TOPORS: variants seen among roughly 807,000 people sequenced by gnomAD.
TOPORS encodes the protein E3 ubiquitin-protein ligase Topors.
Under a neutral mutation model 81.4 loss-of-function variants are expected in TOPORS, and 25 were observed. That is an observed-to-expected ratio of 0.31 (90% CI 0.22 to 0.43). The LOEUF (loss-of-function observed/expected upper bound fraction) is 0.43. Ranked by LOEUF, TOPORS falls within the 20% of genes least tolerant of loss-of-function variation. The probability of loss-of-function intolerance (pLI) is 1.00; values close to 1 mark genes in which losing one functional copy is unlikely to be tolerated. For missense variants in TOPORS, 1,101 were observed against 1,267.0 expected (o/e 0.87, Z 1.99); for synonymous variants, 473 against 456.6 (o/e 1.04, Z -0.46).
chr9:32,550,761 G>C lies in TOPORS; in HGVS notation c.198+13C>G, dbSNP rs1449521054. On this transcript the variant is annotated intron_variant, in intron 2 of 2. Transcript: ENST00000360538. ...TCCGACCCCCGCGTCCCATTGTTCC[G>C]AATCTCACTCACCTCGGAGGATGCC... 3 of 1,612,596 alleles carry C rather than the reference G, an allele frequency of 1.9e-6. No homozygotes were observed. The highest frequency in any genetic ancestry group is 1.7e-6 in the Non-Finnish European group (2 of 1,179,612).
intron 2 of TOPORS, 69 bp from the exon 3 acceptor site, chr9:32,544,395 T>G: frequency 6.6e-7 from 1 of 1,511,758 alleles, no homozygotes; most frequent in East Asian, 2.3e-5. Context: ...TCAACAAAAA[T>G]GCAAATAAAG....
At chr9:32,549,264 G>A (rs1053363077) in intron 2 of TOPORS, among the ~76,000 whole-genome samples, 1 of 152,030 alleles carries the variant, frequency 6.6e-6, no homozygotes, top group Non-Finnish European at 1.5e-5. Flanking sequence ...CCGAGACTGC[G>A]CCACTGCACT....
At chr9:32,551,168 G>A (rs1821247032) in intron 1 of TOPORS, 200 bp from the exon 2 acceptor site, 2 of 659,116 alleles carry the variant, frequency 3.0e-6, no homozygotes, top group East Asian at 2.7e-5. Flanking sequence ...CCCCGGAGGA[G>A]GGCAGCGCGA....
At position 32,541,767 on chromosome 9, in the gene TOPORS, C is replaced by T; in HGVS notation, c.2758G>A (p.Val920Ile). 1 of 1,614,190 alleles carries T rather than the reference C, an allele frequency of 6.2e-7. No homozygotes were observed. The highest frequency in any genetic ancestry group is 8.5e-7 in the Non-Finnish European group (1 of 1,180,024). The change falls in exon 3 of 3, where the codon GTA (valine) becomes ATA (isoleucine). Residue 920 changes from valine (V) to isoleucine (I), a missense_variant. Val to Ile is a conservative substitution (Grantham distance 29). Coordinates refer to ENST00000360538, the MANE Select transcript of TOPORS (RefSeq NM_005802.5). ...TTGTCACATTCTGTATCCTCCTTTACTTCAGAATCCTTATCACTGTCACTG... is the reference window on the plus strand; with the variant it reads ...TTGTCACATTCTGTATCCTCCTTTATTTCAGAATCCTTATCACTGTCACTG... ...IDSDSDKDSE[V>I]KEDTECDNSG...
chr9:32,551,153 C>G (rs890137266), intron 1 of TOPORS, 185 bp from the exon 2 acceptor site: 1 of 718,838 alleles, frequency 1.4e-6, no homozygotes, highest in Non-Finnish European at 2.4e-6. Flanking sequence ...CCCCGCCGCT[C>G]CAGACCCCGG....
rs770237563 is a variant in TOPORS at position 32,541,358 on chromosome 9, A to AT, written c.*28dup. ...CTTCCTTTTTCCTTTTTATAACATC[A>AT]TAATTCTCAATGAAATGCTTTGGCA... is the stretch of plus-strand genomic sequence containing the variant. On this transcript the variant is annotated 3_prime_UTR_variant, in exon 3 of 3. Coordinates refer to ENST00000360538, the MANE Select transcript of TOPORS (RefSeq NM_005802.5). 2.5e-6 allele frequency: 4 copies of AT among 1,611,282 alleles called. No homozygotes were observed. Among genetic ancestry groups the AT allele is most frequent in the Non-Finnish European group, 3.4e-6 (4 of 1,177,800 alleles).
rs770678902 is a variant in TOPORS, at chr9:32,543,152, A to G, written c.1373T>C (p.Ile458Thr). Residue 458 changes from isoleucine to threonine, a missense_variant, in exon 3 of 3, where the codon ATA (isoleucine) becomes ACA (threonine). Coordinates refer to ENST00000360538, the MANE Select transcript of TOPORS (RefSeq NM_005802.5). The surrounding 1 kb of genome is among the most constrained non-coding windows in gnomAD (Gnocchi z 5.6). ...ELVTGGATSQIQGVQTNDDLN... is the reference protein window; with the variant it reads ...ELVTGGATSQTQGVQTNDDLN... ...GTCGTCATTGGTTTGTACTCCTTGT[A>G]TCTGAGACGTGGCTCCTCCTGTGAC... 8.7e-6 allele frequency: 14 copies of G among 1,613,966 alleles called. No individual in the cohort carries two copies. In the South Asian group the frequency reaches 1.1e-4, roughly 13 times the overall value.
In TOPORS at chr9:32,544,279, A is replaced by T. The variant is rs753240432; in HGVS notation, c.246T>A (p.Pro82=). 1.2e-6 allele frequency: 2 copies of T among 1,604,852 alleles called. No homozygotes were observed. Among genetic ancestry groups the T allele is most frequent in the Non-Finnish European group, 1.7e-6 (2 of 1,179,970 alleles). Residue 82 remains proline (P), a synonymous_variant, in exon 3 of 3, where the codon CCT becomes CCA. Transcript: ENST00000360538. The part of the protein sequence containing the change: ...AKEFKMDNFS[P]KAGTSKLQQT... ...GTTGCAATTTGCTAGTGCCAGCTTT[A>T]GGTGAAAAGTTGTCCATTTTAAATT...
chr9:32,543,915 T>C lies in TOPORS; in HGVS notation c.610A>G (p.Thr204Ala), dbSNP rs770838040. 4 of 1,614,170 alleles carry C rather than the reference T, an allele frequency of 2.5e-6. No individual in the cohort carries two copies. The highest frequency in any genetic ancestry group is 3.4e-6 in the Non-Finnish European group (4 of 1,180,014). ...SPSGPVNRRT[T>A]TPPDSGVLFE... ...AGTACTCCACTATCCGGTGGAGTTGTTGTTCTTCTGTTCACAGGACCACTA... is the reference window on the plus strand; with the variant it reads ...AGTACTCCACTATCCGGTGGAGTTGCTGTTCTTCTGTTCACAGGACCACTA... Residue 204 changes from threonine (T) to alanine (A), a missense_variant, in exon 3 of 3, where the codon ACA (threonine) becomes GCA (alanine). Around this residue, in one of 9 missense-constraint regions of TOPORS, gnomAD observed 120 missense variants for 115.4 expected, o/e 1.04. Coordinates refer to ENST00000360538, the MANE Select transcript of TOPORS (RefSeq NM_005802.5). This position sits in a 1 kb window ranked among gnomAD's most constrained non-coding sequence, Gnocchi z 5.6.
At chr9:32,550,096 C>G (rs1821206439) in intron 2 of TOPORS, among the ~76,000 whole-genome samples, 1 of 152,168 alleles carries the variant, frequency 6.6e-6, no homozygotes, top group South Asian at 2.1e-4. Context: ...GCAGCTGTTT[C>G]TTAATTTATC....
chr9:32,542,227 C>T lies in TOPORS; in HGVS notation c.2298G>A (p.Arg766=), dbSNP rs200400473. ...HSERKYYYYE[R]HRSRSLSSNR... ...TACTAGACAGGCTCCTTGATCTGTG[C>T]CTTTCATAGTAGTAATACTTCCTCT... The change falls in exon 3 of 3, where the codon AGG becomes AGA. Residue 766 remains arginine, a synonymous_variant. Coordinates refer to ENST00000360538, the MANE Select transcript of TOPORS (RefSeq NM_005802.5). The T allele has an allele frequency of 6.2e-7, 1 of 1,614,144 alleles. No homozygotes were observed. The highest frequency in any genetic ancestry group is 1.3e-5 in the African/African-American group (1 of 75,032).
rs1409585592 is a variant in TOPORS, at chr9:32,541,813, G to T, written c.2712C>A (p.Ser904=). Residue 904 remains serine, a synonymous_variant, in exon 3 of 3, where the codon TCC becomes TCA. Transcript: ENST00000360538. ...KKHHGDNASR[S]PVVITIDSDS... ...CACTGTCAATGGTAATTACAACTGG[G>T]GAACGTGAAGCATTATCTCCATGGT... The T allele has an allele frequency of 6.2e-7, 1 of 1,614,144 alleles. No homozygotes were observed. Among genetic ancestry groups the T allele is most frequent in the Non-Finnish European group, 8.5e-7 (1 of 1,180,026 alleles).
At chr9:32,548,492 C>T (rs1182137925) in intron 2 of TOPORS, among the ~76,000 whole-genome samples, 2 of 152,054 alleles carry the variant, frequency 1.3e-5, no homozygotes, top group African/African-American at 4.8e-5. Context: ...CGCCACTGCA[C>T]TCCAACCTGG....
intron 1 of TOPORS, 150 bp from the exon 2 acceptor site, chr9:32,551,118 C>A: frequency 2.0e-6 from 2 of 982,648 alleles, no homozygotes; most frequent in Non-Finnish European, 3.1e-6. Context: ...CGGGGCTCAG[C>A]GCACCGGCCC....
At chr9:32,545,901 T>C (rs1020184983) in intron 2 of TOPORS, among the ~76,000 whole-genome samples, 2 of 152,200 alleles carry the variant, frequency 1.3e-5, no homozygotes, top group African/African-American at 4.8e-5. Context: ...AATTGTAATT[T>C]TCTAAATAGA....
intron 2 of TOPORS, among the ~76,000 whole-genome samples, chr9:32,548,067 G>GTCTCGA (rs1298110147): frequency 7.0e-6 from 1 of 141,958 alleles, no homozygotes; most frequent in African/African-American, 2.7e-5. Context: ...AGCCAGGATG[G>GTCTCGA]TCTCGATCTC....
intron 2 of TOPORS, among the ~76,000 whole-genome samples, chr9:32,549,610 C>T (rs1224627949): frequency 2.0e-5 from 3 of 152,156 alleles, no homozygotes; most frequent in Admixed American, 2.0e-4. Flanking sequence ...TACGTGAACA[C>T]GAAGTGAATT....
chr9:32,552,509 G>A lies in TOPORS; in HGVS notation c.-73C>T, dbSNP rs1230370991. Reference sequence around the variant, plus strand: ...GTCCCGGGGATCGCGGGCCCCCACCGTGTCGACTCACTGGGCCCGCAGGCG... The same window carrying A: ...GTCCCGGGGATCGCGGGCCCCCACCATGTCGACTCACTGGGCCCGCAGGCG... On this transcript the variant is annotated 5_prime_UTR_variant, in exon 1 of 3. The change creates a new upstream start codon in the 5' untranslated region. Coordinates refer to ENST00000360538, the MANE Select transcript of TOPORS (RefSeq NM_005802.5). 5.7e-6 allele frequency: 9 copies of A among 1,566,832 alleles called. No individual in the cohort carries two copies. Among genetic ancestry groups the A allele is most frequent in the Non-Finnish European group, 7.8e-6 (9 of 1,154,400 alleles).
chr9:32,542,048 T>C lies in TOPORS; in HGVS notation c.2477A>G (p.Gln826Arg). The change falls in exon 3 of 3, where the codon CAA becomes CGA. Residue 826 changes from glutamine (Q) to arginine (R), a missense_variant. Around this residue, in one of 9 missense-constraint regions of TOPORS, gnomAD observed 605 missense variants for 636.1 expected, o/e 0.95. Coordinates refer to ENST00000360538, the MANE Select transcript of TOPORS (RefSeq NM_005802.5). ...TCCATCCAATTTTGATGAAGATTTT[T>C]GGTAATGACTGTCCTTTGCTTTAGA... is the stretch of plus-strand genomic sequence containing the variant. ...FASKAKDSHY[Q>R]KSSSKLDGNY... 6.2e-7 allele frequency: 1 copy of C among 1,614,186 alleles called. No individual in the cohort carries two copies. Among genetic ancestry groups the C allele is most frequent in the Non-Finnish European group, 8.5e-7 (1 of 1,180,034 alleles).
Sources: allele counts gnomAD v4.1 joint callset (sites outside exome capture counted in the v4.1 genomes callset), GRCh38; gene constraint gnomAD v4.1.1; regional missense constraint gnomAD v4.1.1; non-coding constraint Gnocchi (gnomAD v3.1); transcripts MANE v1.5; gene names NCBI Gene and HGNC (gene_info 2026-07-23, HGNC 2026-07-21).